The following HAPLN1 variants were observed in gnomAD, a reference collection of about 807,000 sequenced individuals.
HAPLN1 encodes hyaluronan and proteoglycan link protein 1.
HAPLN1 carries 13 observed loss-of-function variants against 36.5 expected under a neutral mutation model. The ratio of observed to expected loss-of-function variants is 0.36; its 90% CI spans 0.23 to 0.57. The LOEUF is 0.57. Among genes scored for constraint, HAPLN1 ranks in the 20% least tolerant of loss-of-function variants. The pLI, the probability that HAPLN1 is intolerant of heterozygous loss-of-function variation, is 0.83. For synonymous variants in HAPLN1, 202 were observed against 169.8 expected, an observed-to-expected ratio of 1.19 and a Z score of -1.48; for missense variants, 407 against 439.7, an observed-to-expected ratio of 0.93 and a Z score of 0.66.
At chr5:83,667,166 G>T (rs1396287244) in intron 2 of HAPLN1, among the ~76,000 whole-genome samples, 1 of 151,962 alleles carries the variant, frequency 6.6e-6, no homozygotes, top group Non-Finnish European at 1.5e-5. Flanking sequence ...TATATGCATG[G>T]GTGCAATATA....
At chr5:83,706,740 G>T (rs756580685) in intron 1 of HAPLN1, among the ~76,000 whole-genome samples, 1 of 152,102 alleles carries the variant, frequency 6.6e-6, no homozygotes, top group South Asian at 2.1e-4. Flanking sequence ...CAGCAATCAG[G>T]CAAGAGAAAG....
chr5:83,693,601 A>T (rs1230002135), intron 1 of HAPLN1, among the ~76,000 whole-genome samples: 2 of 151,930 alleles, frequency 1.3e-5, no homozygotes, highest in African/African-American at 4.8e-5. Context: ...TAAATAAGAA[A>T]GACAAGAATA....
At position 83,675,634 on chromosome 5, in the gene HAPLN1, G is replaced by T. The variant is rs188149279; in HGVS notation, c.-26-2085C>A. Among the ~76,000 whole-genome samples the T allele has an allele frequency of 3.3e-5, 5 of 151,926 alleles. No individual in the cohort carries two copies. In the East Asian group the frequency reaches 9.6e-4, roughly 29 times the overall value. ...TAGTATTTAAAATTATACTACTAAG[G>T]GTTCATTCCAATGTGTTAAAGTACT... On this transcript the variant is annotated intron_variant, in intron 1 of 4. Transcript: ENST00000274341.
At chr5:83,688,029 C>A (rs1209506976) in intron 1 of HAPLN1, among the ~76,000 whole-genome samples, 1 of 152,108 alleles carries the variant, frequency 6.6e-6, no homozygotes, top group Non-Finnish European at 1.5e-5. Flanking sequence ...TTTGTCTCAA[C>A]CTTTTTGTCT....
chr5:83,707,841 C>T (rs576892519), intron 1 of HAPLN1, among the ~76,000 whole-genome samples: 22 of 152,000 alleles, frequency 1.4e-4, no homozygotes, highest in African/African-American at 5.3e-4. Flanking sequence ...TCTGTAAGAA[C>T]TTAAGCAAAT....
intron 1 of HAPLN1, among the ~76,000 whole-genome samples, chr5:83,710,155 G>A (rs1751745243): frequency 2.0e-5 from 3 of 152,210 alleles, no homozygotes; most frequent in South Asian, 4.1e-4. Context: ...CCAGCACATA[G>A]CTGAGTGCAG....
chr5:83,664,388 T>G (rs1750498099), intron 2 of HAPLN1, among the ~76,000 whole-genome samples: 1 of 152,056 alleles, frequency 6.6e-6, no homozygotes, highest in Non-Finnish European at 1.5e-5. Context: ...CTTAAAAACA[T>G]TTGTTTTTTT....
intron 1 of HAPLN1, among the ~76,000 whole-genome samples, chr5:83,717,640 TC>T (rs1371900207): frequency 6.6e-6 from 1 of 152,246 alleles, no homozygotes; most frequent in African/African-American, 2.4e-5. Context: ...TTTAAAGCTC[TC>T]AGTGCAATAC....
chr5:83,710,908 G>A (rs973003594), intron 1 of HAPLN1, among the ~76,000 whole-genome samples: 16 of 151,988 alleles, frequency 1.1e-4, no homozygotes, highest in African/African-American at 7.3e-5. Flanking sequence ...CTGTGATCAC[G>A]CCATGGCACT....
At chr5:83,687,680 T>G (rs1751163769) in intron 1 of HAPLN1, among the ~76,000 whole-genome samples, 1 of 152,236 alleles carries the variant, frequency 6.6e-6, no homozygotes, top group African/African-American at 2.4e-5. Context: ...GCACATATGC[T>G]GAAAAAATTT....
chr5:83,660,327 A>G (rs1750350095), intron 2 of HAPLN1, among the ~76,000 whole-genome samples: 4 of 152,190 alleles, frequency 2.6e-5, no homozygotes, highest in Admixed American at 2.6e-4. Context: ...AAAAATGAAG[A>G]TAAATTCTAT....
intron 1 of HAPLN1, among the ~76,000 whole-genome samples, chr5:83,715,799 G>A (rs1012591403): frequency 3.3e-5 from 5 of 152,072 alleles, no homozygotes; most frequent in Middle Eastern, 3.2e-3. Flanking sequence ...TGCACACAAG[G>A]GAAAATAATT....
chr5:83,706,541 T>A (rs1024961911), intron 1 of HAPLN1, among the ~76,000 whole-genome samples: 1 of 152,196 alleles, frequency 6.6e-6, no homozygotes, highest in African/African-American at 2.4e-5. Flanking sequence ...CGCTTCATGT[T>A]AAAAACTCTC....
intron 2 of HAPLN1, among the ~76,000 whole-genome samples, chr5:83,672,260 T>C (rs377443302): frequency 6.6e-6 from 1 of 152,172 alleles, no homozygotes; most frequent in Admixed American, 6.5e-5. Context: ...CACTAGAAGG[T>C]AAAAGGGTAT....
At chr5:83,689,913 G>T (rs1751230915) in intron 1 of HAPLN1, among the ~76,000 whole-genome samples, 1 of 152,068 alleles carries the variant, frequency 6.6e-6, no homozygotes, top group Non-Finnish European at 1.5e-5. Flanking sequence ...GTCAGAGATA[G>T]GAAATTTTAT....
chr5:83,642,649 C>T (rs543014234), intron 4 of HAPLN1, among the ~76,000 whole-genome samples: 1 of 152,256 alleles, frequency 6.6e-6, no homozygotes, highest in African/African-American at 2.4e-5. Flanking sequence ...TAATCAGACT[C>T]TCTTGCCTGA....
chr5:83,665,341 T>C (rs537630305), intron 2 of HAPLN1, among the ~76,000 whole-genome samples: 5 of 152,336 alleles, frequency 3.3e-5, no homozygotes, highest in African/African-American at 9.6e-5. Context: ...GGCTACATTA[T>C]ACATATCTTT....
At chr5:83,660,857 T>A (rs1750365296) in intron 2 of HAPLN1, among the ~76,000 whole-genome samples, 1 of 152,154 alleles carries the variant, frequency 6.6e-6, no homozygotes, top group Non-Finnish European at 1.5e-5. Flanking sequence ...TGGGTTCTTG[T>A]GAGGGTTAAA....
In HAPLN1 at chr5:83,669,604, A is replaced by G. The variant is rs189065587; in HGVS notation, c.100+3820T>C. On this transcript the variant is annotated intron_variant, in intron 2 of 4. Coordinates refer to ENST00000274341, the MANE Select transcript of HAPLN1 (RefSeq NM_001884.4). ...AAAGAACTTATAAAATGTTTACTTT[A>G]TTAGAATTAAGGTGATGATATGTTC... Among the ~76,000 whole-genome samples, 127 of 152,358 alleles carry G rather than the reference A, an allele frequency of 8.3e-4. 1 individual carries two copies. Among genetic ancestry groups the G allele is most frequent in the East Asian group, 9.6e-4 (5 of 5,190 alleles).
Sources: gnomAD v4.1 joint callset for allele counts (sites outside exome capture counted in the v4.1 genomes callset) on GRCh38, gnomAD v4.1.1 for gene constraint, MANE v1.5 for transcripts, NCBI Gene and HGNC (gene_info 2026-07-23, HGNC 2026-07-21) for gene names.